Variants in TBC1D5 observed in about 807,000 individuals in gnomAD.
TBC1D5 encodes TBC1 domain family, member 5.
TBC1D5 carries 75 observed loss-of-function variants against 100.3 expected under a neutral mutation model. The ratio of observed to expected loss-of-function variants is 0.75; its 90% CI spans 0.62 to 0.91. TBC1D5 has a LOEUF of 0.91. TBC1D5 is among the 40% of genes least tolerant of loss of function. The pLI is 0.00. For synonymous variants in TBC1D5, 323 were observed against 325.6 expected (o/e 0.99, Z 0.09); for missense variants, 910 against 942.4 (o/e 0.97, Z 0.45).
chr3:17,361,890 G>A (rs1027792618), intron 13 of TBC1D5, among the ~76,000 whole-genome samples: 5 of 151,858 alleles, frequency 3.3e-5, no homozygotes, highest in African/African-American at 7.3e-5. Context: ...TGCAACTAAT[G>A]ACACTAAAAA....
intron 13 of TBC1D5, among the ~76,000 whole-genome samples, chr3:17,310,866 G>A (rs946521384): frequency 2.6e-5 from 4 of 151,896 alleles, no homozygotes; most frequent in African/African-American, 9.7e-5. Flanking sequence ...AAATATTTAA[G>A]AAGAAGCATA....
At chr3:17,494,394 G>A (rs993636470) in intron 3 of TBC1D5, among the ~76,000 whole-genome samples, 11 of 152,320 alleles carry the variant, frequency 7.2e-5, no homozygotes, top group African/African-American at 1.2e-4. Flanking sequence ...CAGGAGGCAC[G>A]GAATCAGGAA....
intron 8 of TBC1D5, among the ~76,000 whole-genome samples, chr3:17,387,681 G>A (rs1254958007): frequency 1.3e-5 from 2 of 151,410 alleles, no homozygotes; most frequent in Non-Finnish European, 2.9e-5. Flanking sequence ...TAGATGGTGT[G>A]GATTCAGGCT....
intron 18 of TBC1D5, among the ~76,000 whole-genome samples, chr3:17,206,055 G>A (rs549553311): frequency 6.6e-6 from 1 of 152,274 alleles, no homozygotes; most frequent in African/African-American, 2.4e-5. Context: ...TGAGGGAGAA[G>A]AGAACTCCTA....
intron 17 of TBC1D5, among the ~76,000 whole-genome samples, chr3:17,235,812 C>T (rs1050144853): frequency 1.3e-5 from 2 of 152,220 alleles, no homozygotes; most frequent in Non-Finnish European, 2.9e-5. Flanking sequence ...TTCCACAAAC[C>T]GTTCTCTTTG....
At chr3:17,508,389 C>A in intron 3 of TBC1D5, 85 bp downstream of exon 3, 1 of 1,015,736 alleles carries the variant, frequency 9.8e-7, no homozygotes. Flanking sequence ...TGTTCACACA[C>A]ATAAGGTGGA....
intron 13 of TBC1D5, among the ~76,000 whole-genome samples, chr3:17,346,106 G>C (rs1003012160): frequency 6.6e-6 from 1 of 151,900 alleles, no homozygotes; most frequent in South Asian, 2.1e-4. Context: ...TAATACTATT[G>C]CCAAAAAATC....
At chr3:17,257,930 CTT>C (rs2077875449) in intron 16 of TBC1D5, among the ~76,000 whole-genome samples, 2 of 152,248 alleles carry the variant, frequency 1.3e-5, no homozygotes, top group South Asian at 2.1e-4. Flanking sequence ...CAAGTTAACT[CTT>C]GAGACATCTC....
intron 1 of TBC1D5, among the ~76,000 whole-genome samples, chr3:17,702,967 T>C (rs1312152851): frequency 1.3e-5 from 2 of 152,114 alleles, no homozygotes; most frequent in Non-Finnish European, 2.9e-5. Context: ...CATAGCTATA[T>C]TGATTCAAAG....
At chr3:17,693,103 G>A (rs895380999) in intron 1 of TBC1D5, among the ~76,000 whole-genome samples, 4 of 152,220 alleles carry the variant, frequency 2.6e-5, no homozygotes, top group Non-Finnish European at 5.9e-5. Flanking sequence ...CAGCCTTAAA[G>A]CCTAGATCCC....
intron 15 of TBC1D5, among the ~76,000 whole-genome samples, chr3:17,291,446 T>C (rs1321904376): frequency 3.3e-5 from 5 of 152,256 alleles, no homozygotes; most frequent in African/African-American, 7.2e-5. Flanking sequence ...TATCATAATA[T>C]GAAATAATTT....
At chr3:17,629,053 GATT>G (rs1312920576) in intron 1 of TBC1D5, among the ~76,000 whole-genome samples, 2 of 152,180 alleles carry the variant, frequency 1.3e-5, no homozygotes, top group African/African-American at 4.8e-5. Flanking sequence ...AATGCAGATG[GATT>G]ATTAAGGACA....
chr3:17,705,275 A>G (rs1436115079), intron 1 of TBC1D5, among the ~76,000 whole-genome samples: 10 of 49,474 alleles, frequency 2.0e-4, no homozygotes, highest in Admixed American at 8.4e-4. Context: ...CCCGGACGGC[A>G]CGGCTGGCCA....
At position 17,463,943 on chromosome 3, in the gene TBC1D5, C is replaced by CGTTT. The variant is rs1491538980; in HGVS notation, c.98-35425_98-35424insAAAC. On this transcript the variant is annotated intron_variant, in intron 3 of 21. Coordinates refer to ENST00000253692, the Ensembl canonical transcript of TBC1D5. ...CAATCAATACTAGCATTCCTTATTC[C>CGTTT]TTTTTTTTTTTTTTTTTTTTTTTTT... 2.7e-4 allele frequency among the ~76,000 whole-genome samples: 24 copies of CGTTT among 87,534 alleles called. No individual in the cohort carries two copies. The South Asian group carries it at 8.2e-3, about 30-fold the overall frequency. 57.4% of individuals were successfully genotyped at this position (87,534 alleles called of 152,430 possible).
chr3:17,630,545 G>T (rs2063402415), intron 1 of TBC1D5, among the ~76,000 whole-genome samples: 1 of 152,098 alleles, frequency 6.6e-6, no homozygotes, highest in Non-Finnish European at 1.5e-5. Flanking sequence ...TGTTCTGACT[G>T]CTCCACAGAT....
At chr3:17,208,125 G>C (rs1314379931) in intron 18 of TBC1D5, among the ~76,000 whole-genome samples, 1 of 152,228 alleles carries the variant, frequency 6.6e-6, no homozygotes, top group African/African-American at 2.4e-5. Flanking sequence ...TGTATGGTAG[G>C]TACCCAGTCA....
At chr3:17,193,690 G>A (rs975880321) in intron 18 of TBC1D5, among the ~76,000 whole-genome samples, 1 of 152,132 alleles carries the variant, frequency 6.6e-6, no homozygotes, top group African/African-American at 2.4e-5. Context: ...GCCCAGTTAT[G>A]ACTAATAACT....
At chr3:17,321,338 G>C (rs2085377566) in intron 13 of TBC1D5, among the ~76,000 whole-genome samples, 1 of 152,174 alleles carries the variant, frequency 6.6e-6, no homozygotes, top group Non-Finnish European at 1.5e-5. Flanking sequence ...TATGCCACTA[G>C]GCTCAGTCCT....
chr3:17,673,952 T>C (rs1360229953), intron 1 of TBC1D5, among the ~76,000 whole-genome samples: 1 of 152,216 alleles, frequency 6.6e-6, no homozygotes, highest in African/African-American at 2.4e-5. Flanking sequence ...TTTAAATAAA[T>C]AGTTCTCTCA....
Sources: gnomAD v4.1 joint callset for allele counts (sites outside exome capture counted in the v4.1 genomes callset) on GRCh38, gnomAD v4.1.1 for gene constraint, MANE v1.5 for transcripts, NCBI Gene and HGNC (gene_info 2026-07-23, HGNC 2026-07-21) for gene names.